PKNOX2: variants seen among roughly 807,000 people sequenced by gnomAD.
PKNOX2 encodes PBX/knotted 1 homeobox 2.
Under a neutral mutation model 53.1 loss-of-function variants are expected in PKNOX2, and 14 were observed. The ratio of observed to expected loss-of-function variants is 0.26; its 90% CI spans 0.17 to 0.41. The LOEUF is 0.41. Among genes scored for constraint, PKNOX2 ranks in the 10% least tolerant of loss-of-function variants. The probability of loss-of-function intolerance (pLI) is 1.00; values close to 1 mark genes in which losing one functional copy is unlikely to be tolerated. For synonymous variants in PKNOX2, 257 were observed against 242.8 expected (o/e 1.06, Z -0.54); for missense variants, 496 against 602.8 (o/e 0.82, Z 1.85).
intron 3 of PKNOX2, among the ~76,000 whole-genome samples, chr11:125,345,845 GC>G (rs1407424437): frequency 1.3e-5 from 2 of 152,088 alleles, no homozygotes; most frequent in African/African-American, 4.8e-5. Flanking sequence ...CACATCCCAA[GC>G]TGCAAATCCT....
chr11:125,410,096 G>C (rs117085906), intron 7 of PKNOX2, 100 bp from the exon 8 acceptor site: 3 of 1,475,946 alleles, frequency 2.0e-6, no homozygotes, highest in Admixed American at 4.0e-5. Flanking sequence ...AAGGAGGGAG[G>C]GGGGCAGGCA....
intron 5 of PKNOX2, among the ~76,000 whole-genome samples, chr11:125,372,493 A>C (rs1212651053): frequency 6.6e-6 from 1 of 152,212 alleles, no homozygotes; most frequent in Admixed American, 6.5e-5. Flanking sequence ...TGGGTTCTAA[A>C]TTTGAAATGT....
At chr11:125,229,961 T>C (rs1008213437) in intron 1 of PKNOX2, among the ~76,000 whole-genome samples, 2 of 152,220 alleles carry the variant, frequency 1.3e-5, no homozygotes, top group Admixed American at 6.5e-5. Flanking sequence ...CTTCCTCCCA[T>C]ATGGGATAAA....
chr11:125,282,996 A>T (rs1946665482), intron 2 of PKNOX2, among the ~76,000 whole-genome samples: 1 of 152,114 alleles, frequency 6.6e-6, no homozygotes, highest in African/African-American at 2.4e-5. Context: ...TACTAAAAAT[A>T]CAAAAATTAG....
chr11:125,335,670 TA>T (rs1950399786), intron 3 of PKNOX2, among the ~76,000 whole-genome samples: 2 of 152,148 alleles, frequency 1.3e-5, no homozygotes, highest in South Asian at 4.1e-4. Flanking sequence ...TTTAAAAAAT[TA>T]GCCAGGCATG....
At chr11:125,214,312 C>A (rs1210040629) in intron 1 of PKNOX2, among the ~76,000 whole-genome samples, 1 of 152,012 alleles carries the variant, frequency 6.6e-6, no homozygotes, top group South Asian at 2.1e-4. Flanking sequence ...TTCCTCAGAG[C>A]TGGCATTTCC....
chr11:125,372,014 C>T (rs753331530), intron 5 of PKNOX2, among the ~76,000 whole-genome samples: 3 of 152,174 alleles, frequency 2.0e-5, no homozygotes, highest in Non-Finnish European at 4.4e-5. Flanking sequence ...ACAGGGTCTG[C>T]GTCTGTCTTG....
intron 3 of PKNOX2, among the ~76,000 whole-genome samples, chr11:125,337,600 T>C (rs1273571013): frequency 6.6e-6 from 1 of 152,206 alleles, no homozygotes; most frequent in African/African-American, 2.4e-5. Flanking sequence ...TTCACCACCA[T>C]GTGTTGGGGC....
intron 1 of PKNOX2, among the ~76,000 whole-genome samples, chr11:125,208,564 C>A (rs1038354776): frequency 2.6e-5 from 4 of 151,968 alleles, no homozygotes; most frequent in African/African-American, 7.3e-5. Flanking sequence ...ATTTAGCAAG[C>A]ATGTTGGTAA....
chr11:125,246,660 A>G (rs971119039), intron 2 of PKNOX2, among the ~76,000 whole-genome samples: 3 of 152,226 alleles, frequency 2.0e-5, no homozygotes, highest in African/African-American at 7.2e-5. Flanking sequence ...CATCTATTAA[A>G]GAATAATAAT....
rs138719658 is a variant in PKNOX2 at position 125,361,105 on chromosome 11, A to G, written c.88-6741A>G. On this transcript the variant is annotated intron_variant, in intron 4 of 12. Transcript: ENST00000298282. The stretch of plus-strand genomic sequence containing the variant: ...GTAAATCTGCAGCTAAAATGGTAGC[A>G]TTCAATCAGACCTGCCCACTCCATA... 1.2e-4 allele frequency among the ~76,000 whole-genome samples: 18 copies of G among 152,360 alleles called. 1 individual carries two copies. The highest frequency in any genetic ancestry group is 4.1e-4 in the African/African-American group (17 of 41,580).
chr11:125,252,057 AAT>A lies in PKNOX2; in HGVS notation c.-130+16945_-130+16946del, dbSNP rs796988595. ...ACAAGTAAGCAGGCACCTCTAGCACAATATGTTAAGTGCCTCCATCAGGCAAG... is the reference window on the plus strand; with the variant it reads ...ACAAGTAAGCAGGCACCTCTAGCACAATGTTAAGTGCCTCCATCAGGCAAG... On this transcript the variant is annotated intron_variant, in intron 2 of 12. Coordinates refer to ENST00000298282, the MANE Select transcript of PKNOX2 (RefSeq NM_001382323.2). Among the ~76,000 whole-genome samples, 59 of 152,278 alleles carry A rather than the reference AAT, an allele frequency of 3.9e-4. 1 individual carries two copies. The highest frequency in any genetic ancestry group is 1.1e-3 in the African/African-American group (45 of 41,558).
intron 3 of PKNOX2, among the ~76,000 whole-genome samples, chr11:125,332,302 G>A (rs544944031): frequency 6.6e-6 from 1 of 151,998 alleles, no homozygotes; most frequent in East Asian, 1.9e-4. Flanking sequence ...GGGGTGGGGG[G>A]TTCCTTAAAA....
chr11:125,176,603 G>A (rs1409669170), intron 1 of PKNOX2, among the ~76,000 whole-genome samples: 5 of 152,216 alleles, frequency 3.3e-5, no homozygotes, highest in Non-Finnish European at 5.9e-5. Context: ...GAGACTTGCC[G>A]TGAACTAGGT....
intron 6 of PKNOX2, among the ~76,000 whole-genome samples, chr11:125,395,141 A>G (rs1282080207): frequency 1.3e-5 from 2 of 152,200 alleles, no homozygotes; most frequent in Admixed American, 1.3e-4. Context: ...TTGTCATTTC[A>G]AAAACGTTTT....
intron 2 of PKNOX2, among the ~76,000 whole-genome samples, chr11:125,252,475 G>T (rs1478633738): frequency 5.3e-5 from 8 of 152,226 alleles, no homozygotes; most frequent in African/African-American, 1.2e-4. Context: ...GCTGTTGCCA[G>T]AGATTATGAT....
intron 9 of PKNOX2, 174 bp downstream of exon 9, chr11:125,411,050 A>G (rs1955479289): frequency 5.0e-6 from 3 of 594,722 alleles, no homozygotes; most frequent in Non-Finnish European, 5.9e-6. Flanking sequence ...AGGTTTTATC[A>G]ACTCCTGGGA....
chr11:125,264,661 C>T lies in PKNOX2; in HGVS notation c.-130+29546C>T, dbSNP rs116648387. Among the ~76,000 whole-genome samples the T allele has an allele frequency of 2.8e-3, 426 of 151,976 alleles. 8 individuals carry two copies. The highest frequency in any genetic ancestry group is 8.0e-3 in the African/African-American group (330 of 41,422). On this transcript the variant is annotated intron_variant, in intron 2 of 12. Transcript: ENST00000298282. The stretch of plus-strand genomic sequence containing the variant: ...CTCACTTTCAAGGGGCCTAGTTCTC[C>T]CTTCCCCACCCCCCATTCCTTTTAC...
At chr11:125,361,110 A>G (rs917042224) in intron 4 of PKNOX2, among the ~76,000 whole-genome samples, 1 of 152,242 alleles carries the variant, frequency 6.6e-6, no homozygotes, top group Non-Finnish European at 1.5e-5. Flanking sequence ...GTAGCATTCA[A>G]TCAGACCTGC....
Sources: allele counts gnomAD v4.1 joint callset (sites outside exome capture counted in the v4.1 genomes callset), GRCh38; gene constraint gnomAD v4.1.1; transcripts MANE v1.5; gene names NCBI Gene and HGNC (gene_info 2026-07-23, HGNC 2026-07-21).